Variants in GLIS3 observed in about 807,000 individuals in gnomAD.
The protein encoded by GLIS3 is GLIS family zinc finger 3, also known as zinc finger protein GLIS3.
In GLIS3, 53 loss-of-function variants were observed where a neutral mutation model predicts 78.6. That is an observed-to-expected ratio of 0.67 (90% confidence interval 0.54 to 0.85). GLIS3 has a LOEUF of 0.85. GLIS3 is among the 40% of genes least tolerant of loss of function. The probability of loss-of-function intolerance (pLI) is 0.00; values close to 1 mark genes in which losing one functional copy is unlikely to be tolerated. For missense variants in GLIS3, 1,703 were observed against 1,231.1 expected (o/e 1.38, Z -5.74); for synonymous variants, 684 against 509.9 (o/e 1.34, Z -4.60).
intron 2 of GLIS3, among the ~76,000 whole-genome samples, chr9:4,133,592 G>A (rs1833138537): frequency 6.6e-6 from 1 of 152,186 alleles, no homozygotes; most frequent in Non-Finnish European, 1.5e-5. Flanking sequence ...TAAGCTCTCT[G>A]TGCCTCAGTG....
At position 4,339,286 on chromosome 9, in the gene GLIS3, C is replaced by T. The variant is rs921237491; in HGVS notation, n.264+7795G>A. On this transcript the variant is annotated intron_variant and non_coding_transcript_variant, in intron 2 of 4. Coordinates refer to the GLIS3 transcript ENST00000471664. Reference sequence around the variant, plus strand: ...TGTTTTGTCACTATGTAGCTAAAGCCAGTGGGAGGGTGCCAGTTATTTGGA... The same window carrying T: ...TGTTTTGTCACTATGTAGCTAAAGCTAGTGGGAGGGTGCCAGTTATTTGGA... Among the ~76,000 whole-genome samples the T allele has an allele frequency of 3.3e-5, 5 of 152,156 alleles. No individual in the cohort carries two copies. The East Asian group carries it at 7.7e-4, about 23-fold the overall frequency.
At chr9:4,438,798 C>A in the GLIS3 span, among the ~76,000 whole-genome samples, 2 of 152,162 alleles carry the variant, frequency 1.3e-5, no homozygotes, top group African/African-American at 2.4e-5. Context: ...TGTCTTGCTT[C>A]CCCTTCCCTT....
At chr9:4,139,377 T>C (rs1833636474) in intron 2 of GLIS3, among the ~76,000 whole-genome samples, 1 of 152,202 alleles carries the variant, frequency 6.6e-6, no homozygotes, top group Non-Finnish European at 1.5e-5. Context: ...ATAAGTCAAG[T>C]ACAGTTCAAG....
intron 4 of GLIS3, among the ~76,000 whole-genome samples, chr9:4,022,384 C>T (rs766710466): frequency 2.0e-5 from 3 of 152,190 alleles, no homozygotes; most frequent in Non-Finnish European, 2.9e-5. Context: ...TTTCAGCATG[C>T]GTTTTTAATG....
chr9:4,403,733 T>TA, the GLIS3 span, among the ~76,000 whole-genome samples: 1 of 151,304 alleles, frequency 6.6e-6, no homozygotes, highest in African/African-American at 2.4e-5. Flanking sequence ...AAACACAAAA[T>TA]AAAAAGCAAG....
At position 4,251,429 on chromosome 9, in the gene GLIS3, C is replaced by CT. The variant is rs55764240; in HGVS notation, c.388+34608dup. On this transcript the variant is annotated intron_variant, in intron 2 of 10. Transcript: ENST00000381971. The stretch of plus-strand genomic sequence containing the variant: ...TTTTATTAGAGACTAGGATTGCAAT[C>CT]TTTTTTTTTTTTTTTTGCTTTCCAT... Among the ~76,000 whole-genome samples, 396 of 39,756 alleles carry CT rather than the reference C, an allele frequency of 1.0e-2. 4 individuals carry two copies. The highest frequency in any genetic ancestry group is 0.032 in the African/African-American group (370 of 11,444). 26.1% of individuals were successfully genotyped at this position (39,756 alleles called of 152,430 possible).
the GLIS3 span, among the ~76,000 whole-genome samples, chr9:4,365,613 G>A: frequency 6.6e-6 from 1 of 152,042 alleles, no homozygotes; most frequent in African/African-American, 2.4e-5. Context: ...TAAAAACCTT[G>A]CATTGCATCT....
At chr9:4,450,616 C>A in the GLIS3 span, among the ~76,000 whole-genome samples, 1 of 152,142 alleles carries the variant, frequency 6.6e-6, no homozygotes, top group Non-Finnish European at 1.5e-5. Flanking sequence ...AGGTTACCCA[C>A]AAAGGGAGGC....
chr9:3,855,343 G>T (rs1819700762), intron 9 of GLIS3: 1 of 153,608 alleles, frequency 6.5e-6, no homozygotes, highest in African/African-American at 2.4e-5. Flanking sequence ...ACAAGTATCT[G>T]TCTCTTTGCC....
the GLIS3 span, among the ~76,000 whole-genome samples, chr9:4,450,841 TGAAG>T: frequency 1.3e-5 from 2 of 152,154 alleles, no homozygotes; most frequent in Non-Finnish European, 2.9e-5. Context: ...AAAGAGCTCC[TGAAG>T]GAAGCACTAA....
intron 9 of GLIS3, among the ~76,000 whole-genome samples, chr9:3,841,319 T>C (rs1479185930): frequency 6.6e-6 from 1 of 152,044 alleles, no homozygotes; most frequent in African/African-American, 2.4e-5. Flanking sequence ...ATTTGGAAAA[T>C]ACATAAAATA....
At position 4,237,129 on chromosome 9, in the gene GLIS3, C is replaced by A. The variant is rs1004234952; in HGVS notation, c.388+48909G>T. Reference sequence around the variant, plus strand: ...GTTCACTTCCTTCACTGATTTATTTCAAAAATAATCCTAAGGAAATAATCC... The same window carrying A: ...GTTCACTTCCTTCACTGATTTATTTAAAAAATAATCCTAAGGAAATAATCC... On this transcript the variant is annotated intron_variant, in intron 2 of 10. Transcript: ENST00000381971. Among the ~76,000 whole-genome samples, 6 of 91,594 alleles carry A rather than the reference C, an allele frequency of 6.6e-5. 1 individual carries two copies. Among genetic ancestry groups the A allele is most frequent in the Non-Finnish European group, 1.5e-4 (5 of 32,694 alleles). 60.1% of individuals were successfully genotyped at this position (91,594 alleles called of 152,430 possible). A position where few individuals can be genotyped will look rare whatever the true frequency, so the allele number is the denominator to read the frequency against.
At position 4,278,018 on chromosome 9, in the gene GLIS3, C is replaced by CAAAAATTTACAAAAAAAA. The variant is rs557750412; in HGVS notation, c.388+8019_388+8020insTTTTTTTTGTAAATTTTT. On this transcript the variant is annotated intron_variant, in intron 2 of 10. Coordinates refer to ENST00000381971, the MANE Select transcript of GLIS3 (RefSeq NM_001042413.2). ...TTCACCTCCGCTCATTAAAAATTTA[C>CAAAAATTTACAAAAAAAA]ATGTAGTAAGTGATCAATTTTTAAA... Among the ~76,000 whole-genome samples, 423 of 152,294 alleles carry CAAAAATTTACAAAAAAAA rather than the reference C, an allele frequency of 2.8e-3. 1 individual carries two copies. Among genetic ancestry groups the CAAAAATTTACAAAAAAAA allele is most frequent in the Admixed American group, 4.1e-3 (62 of 15,298 alleles).
Position 4,324,052 on chromosome 9 carries a change from G to A in GLIS3, n.265-13524C>T, listed in dbSNP as rs150020915. The stretch of plus-strand genomic sequence containing the variant: ...CACATCTGTTCATTTACTCACCTTC[G>A]TTAACTCTTCTTTGAAAATGGTGCT... On this transcript the variant is annotated intron_variant and non_coding_transcript_variant, in intron 2 of 4. Transcript: ENST00000471664. 2.9e-3 allele frequency among the ~76,000 whole-genome samples: 439 copies of A among 152,060 alleles called. 3 individuals are homozygous for A. Among genetic ancestry groups the A allele is most frequent in the African/African-American group, 0.01 (424 of 41,464 alleles).
chr9:4,164,123 T>G lies in GLIS3; in HGVS notation c.389-38182A>C, dbSNP rs551803219. ...TTTCCCGGATGTTATGAGTCCACAT[T>G]TAACTGCCTCCTTCAAATGACAGTG... is the stretch of plus-strand genomic sequence containing the variant. On this transcript the variant is annotated intron_variant, in intron 2 of 10. Coordinates refer to ENST00000381971, the MANE Select transcript of GLIS3 (RefSeq NM_001042413.2). Among the ~76,000 whole-genome samples the G allele has an allele frequency of 2.6e-5, 4 of 152,228 alleles. No homozygotes were observed. The South Asian group carries it at 6.2e-4, about 24-fold the overall frequency.
intron 2 of GLIS3, among the ~76,000 whole-genome samples, chr9:4,341,990 G>A (rs755758939): frequency 1.3e-5 from 2 of 152,162 alleles, no homozygotes; most frequent in African/African-American, 2.4e-5. Context: ...TGTGGATTCT[G>A]GATATTAGAC....
At chr9:4,411,412 T>C in the GLIS3 span, among the ~76,000 whole-genome samples, 4 of 152,224 alleles carry the variant, frequency 2.6e-5, no homozygotes, top group Non-Finnish European at 5.9e-5. Context: ...GAGGTCGTGA[T>C]ACAGATGACC....
Position 4,117,945 on chromosome 9 carries a change from G to C in GLIS3, c.1533C>G (p.Tyr511Ter), listed in dbSNP as rs371355667. 6.2e-7 allele frequency: 1 copy of C among 1,614,044 alleles called. No individual in the cohort carries two copies. Residue 511 changes from tyrosine (Y) to a stop codon, truncating the protein, a stop_gained, in exon 4 of 11, where the codon TAC becomes TAG. Transcript: ENST00000381971. LOFTEE classifies it high-confidence loss of function. ...GCCGCACGAGCTCCTCCTGCTGGTC[G>C]TACAGGGCGCTGCAGTCGATCCAGC... ...CCRWIDCSAL[Y>*]DQQEELVRHI...
At chr9:4,485,162 T>A in the GLIS3 span, among the ~76,000 whole-genome samples, 3 of 151,636 alleles carry the variant, frequency 2.0e-5, no homozygotes, top group Non-Finnish European at 4.4e-5. Context: ...TTACAGGCAC[T>A]CACGACCATG....
Sources: gnomAD v4.1 joint callset for allele counts (sites outside exome capture counted in the v4.1 genomes callset) on GRCh38, gnomAD v4.1.1 for gene constraint, MANE v1.5 for transcripts, NCBI Gene and HGNC (gene_info 2026-07-23, HGNC 2026-07-21) for gene names.